C8orf76: variants seen among roughly 807,000 people sequenced by gnomAD.
The protein encoded by C8orf76 is uncharacterized protein C8orf76.
A neutral mutation model predicts 38.1 loss-of-function variants in C8orf76; 46 were observed. That is an observed-to-expected ratio of 1.21 (90% CI 0.95 to 1.54). The LOEUF (loss-of-function observed/expected upper bound fraction) is 1.54, where lower values mean the gene tolerates loss of function less well. Among genes scored for constraint, C8orf76 ranks in the 40% most tolerant of loss-of-function variants. The pLI is 0.00. For missense variants in C8orf76, 461 were observed against 441.6 expected (o/e 1.04, Z -0.39); for synonymous variants, 166 against 167.5 (o/e 0.99, Z 0.07).
intron 3 of C8orf76, among the ~76,000 whole-genome samples, chr8:123,233,390 T>C (rs1315657983): frequency 6.6e-6 from 1 of 151,772 alleles, no homozygotes; most frequent in Non-Finnish European, 1.5e-5. Flanking sequence ...ACTATGATCC[T>C]GATGACAGGG....
intron 4 of C8orf76, among the ~76,000 whole-genome samples, chr8:123,229,506 T>C (rs1194400146): frequency 1.3e-5 from 2 of 152,232 alleles, no homozygotes; most frequent in African/African-American, 4.8e-5. Context: ...CTCCCTGACG[T>C]TGGTCACAGC....
intron 4 of C8orf76, among the ~76,000 whole-genome samples, chr8:123,227,212 T>C (rs929740079): frequency 6.6e-6 from 1 of 151,406 alleles, no homozygotes; most frequent in African/African-American, 2.4e-5. Flanking sequence ...TCATAGCTGG[T>C]CTCCTCTCTC....
intron 3 of C8orf76, 83 bp downstream of exon 3, chr8:123,237,715 G>C: frequency 1.4e-6 from 2 of 1,475,846 alleles, no homozygotes; most frequent in Non-Finnish European, 1.8e-6. Context: ...CTACTAGCAA[G>C]AAGTTTGTTT....
intron 2 of C8orf76, among the ~76,000 whole-genome samples, chr8:123,238,330 C>T (rs1039898204): frequency 6.6e-6 from 1 of 152,272 alleles, no homozygotes; most frequent in Middle Eastern, 3.4e-3. Context: ...CGTGACTTTG[C>T]TCCTCCTTCA....
In C8orf76 at chr8:123,236,906, C is replaced by T; in HGVS notation, c.357+892G>A. On this transcript the variant is annotated intron_variant, in intron 3 of 5. Coordinates refer to ENST00000276704, the MANE Select transcript of C8orf76 (RefSeq NM_032847.3). ...CAAGACCATCACCCTTGAGATCGAG[C>T]CCAGCAACGCCAAAATTCAGGACAA... 11 of 1,171,358 alleles carry T rather than the reference C, an allele frequency of 9.4e-6. 1 individual carries two copies. In the South Asian group the frequency reaches 1.2e-4, roughly 13 times the overall value. The allele number at this position is 1,171,358 out of a possible 1,614,324, so 72.6% of individuals were successfully genotyped here. A position where few individuals can be genotyped will look rare whatever the true frequency, so the allele number is the denominator to read the frequency against.
At chr8:123,238,017 T>G in intron 2 of C8orf76, 76 bp from the exon 3 acceptor site, 1 of 1,503,742 alleles carries the variant, frequency 6.7e-7, no homozygotes, top group Non-Finnish European at 8.9e-7. Context: ...TAGGGGTGAT[T>G]TTTTTTCCTA....
intron 3 of C8orf76, among the ~76,000 whole-genome samples, chr8:123,236,346 T>C (rs964168252): frequency 6.6e-6 from 1 of 152,110 alleles, no homozygotes; most frequent in African/African-American, 2.4e-5. Context: ...AATTCCCATA[T>C]AAAATTTACA....
intron 3 of C8orf76, among the ~76,000 whole-genome samples, chr8:123,236,445 A>G (rs1355043967): frequency 6.6e-6 from 1 of 152,246 alleles, no homozygotes; most frequent in Non-Finnish European, 1.5e-5. Flanking sequence ...ATCCCTTAAA[A>G]AAAAATTCCG....
chr8:123,231,267 T>G, intron 4 of C8orf76, 33 bp downstream of exon 4: 1 of 1,570,888 alleles, frequency 6.4e-7, no homozygotes, highest in Non-Finnish European at 8.6e-7. Context: ...CTGAGCTGAT[T>G]ACCAAGCGTT....
At chr8:123,232,082 T>C (rs996440906) in intron 3 of C8orf76, among the ~76,000 whole-genome samples, 1 of 152,258 alleles carries the variant, frequency 6.6e-6, no homozygotes, top group African/African-American at 2.4e-5. Flanking sequence ...TTATAATCTT[T>C]ACTGTCTTCA....
intron 1 of C8orf76, among the ~76,000 whole-genome samples, chr8:123,240,165 G>C (rs1276628590): frequency 6.8e-6 from 1 of 147,848 alleles, no homozygotes; most frequent in Non-Finnish European, 1.5e-5. Context: ...ATAAGGAGCT[G>C]ACACCTTCAA....
intron 5 of C8orf76, among the ~76,000 whole-genome samples, chr8:123,224,031 T>A (rs952534057): frequency 6.6e-6 from 1 of 152,166 alleles, no homozygotes; most frequent in Non-Finnish European, 1.5e-5. Context: ...ATAATGGTCA[T>A]GGCGGCACAA....
chr8:123,238,205 C>A (rs1033999657), intron 2 of C8orf76, among the ~76,000 whole-genome samples: 18 of 152,122 alleles, frequency 1.2e-4, no homozygotes, highest in Non-Finnish European at 1.5e-5. Context: ...GTAACTGAAT[C>A]ATGGGGGTGG....
At position 123,220,251 on chromosome 8, in the gene C8orf76, G is replaced by A; in HGVS notation, c.995C>T (p.Pro332Leu). ...TACGGAGCCAACACACTTCACCTCT[G>A]GGTGAACTTCATCTTTTATTTTTTC... ...IPEKIKDEVHPEVKCVGSVAL... is the reference protein window; with the variant it reads ...IPEKIKDEVHLEVKCVGSVAL... Residue 332 changes from proline to leucine, a missense_variant, in exon 6 of 6, where the codon CCA becomes CTA. By Grantham distance (98) the Pro-to-Leu change is moderately conservative. Transcript: ENST00000276704. 1 of 1,609,170 alleles carries A rather than the reference G, an allele frequency of 6.2e-7. No individual in the cohort carries two copies. The highest frequency in any genetic ancestry group is 8.5e-7 in the Non-Finnish European group (1 of 1,178,314).
chr8:123,224,025 T>C (rs1392369628), intron 5 of C8orf76, among the ~76,000 whole-genome samples: 2 of 152,128 alleles, frequency 1.3e-5, no homozygotes, highest in Non-Finnish European at 1.5e-5. Flanking sequence ...TTGGAAATAA[T>C]GGTCATGGCG....
chr8:123,226,376 C>T lies in C8orf76; in HGVS notation c.948+124G>A, dbSNP rs2065251724. On this transcript the variant is annotated intron_variant, in intron 5 of 5. Coordinates refer to ENST00000276704, the MANE Select transcript of C8orf76 (RefSeq NM_032847.3). ...GTGATTGCTGAGTGATCAAAAGGCACACAGAGGAGGGAGACAAGTCCTTCA... is the reference window on the plus strand; with the variant it reads ...GTGATTGCTGAGTGATCAAAAGGCATACAGAGGAGGGAGACAAGTCCTTCA... 3.3e-6 allele frequency: 5 copies of T among 1,505,770 alleles called. No individual in the cohort carries two copies. In the South Asian group the frequency reaches 5.2e-5, roughly 16 times the overall value. The allele number at this position is 1,505,770 out of a possible 1,614,324, so 93.3% of individuals were successfully genotyped here.
At chr8:123,233,640 G>C (rs1307027567) in intron 3 of C8orf76, among the ~76,000 whole-genome samples, 1 of 151,804 alleles carries the variant, frequency 6.6e-6, no homozygotes, top group African/African-American at 2.4e-5. Context: ...CGCCCACCTC[G>C]GCCTCCCAAA....
At chr8:123,238,078 G>T in intron 2 of C8orf76, 137 bp from the exon 3 acceptor site, 1 of 1,103,710 alleles carries the variant, frequency 9.1e-7, no homozygotes, top group Non-Finnish European at 1.2e-6. Context: ...ATATTTAAAT[G>T]AATTAAAGAA....
intron 4 of C8orf76, 79 bp from the exon 5 acceptor site, chr8:123,226,711 AG>A: frequency 6.7e-7 from 1 of 1,503,224 alleles, no homozygotes; most frequent in Non-Finnish European, 8.8e-7. Flanking sequence ...GGAAATGTTC[AG>A]AAAGCCCAGG....
Sources: gnomAD v4.1 joint callset for allele counts (sites outside exome capture counted in the v4.1 genomes callset) on GRCh38, gnomAD v4.1.1 for gene constraint, MANE v1.5 for transcripts, NCBI Gene and HGNC (gene_info 2026-07-23, HGNC 2026-07-21) for gene names.